CES5A: variants seen among roughly 807,000 people sequenced by gnomAD.
CES5A encodes the protein carboxylesterase 5.
A neutral mutation model predicts 62.9 loss-of-function variants in CES5A; 67 were observed. The observed-to-expected ratio is 1.07, with a 90% CI of 0.88 to 1.31. CES5A has a LOEUF of 1.31. Ranked by LOEUF, CES5A falls within the 50% of genes most tolerant of loss-of-function variation. CES5A has a pLI of 0.00. For synonymous variants in CES5A, 296 were observed against 280.8 expected (o/e 1.05, Z -0.54); for missense variants, 748 against 708.5 (o/e 1.06, Z -0.63).
chr16:55,891,340 T>A (rs1375519288), intron 1 of CES5A, among the ~76,000 whole-genome samples: 1 of 152,176 alleles, frequency 6.6e-6, no homozygotes, highest in East Asian at 1.9e-4. Flanking sequence ...TGAGAAGAAA[T>A]AAGAAAGAAA....
intron 1 of CES5A, among the ~76,000 whole-genome samples, chr16:55,898,712 G>A (rs1445634232): frequency 6.6e-6 from 1 of 152,212 alleles, no homozygotes; most frequent in Non-Finnish European, 1.5e-5. Context: ...GGGCCCAGGG[G>A]CCACTGCCTT....
intron 1 of CES5A, among the ~76,000 whole-genome samples, chr16:55,905,781 G>A (rs1348934708): frequency 6.6e-6 from 1 of 152,202 alleles, no homozygotes; most frequent in African/African-American, 2.4e-5. Flanking sequence ...TTGGGCCTTA[G>A]CATCAAGTTG....
chr16:55,953,941 T>C (rs2034582923), intron 1 of CES5A, among the ~76,000 whole-genome samples: 1 of 152,198 alleles, frequency 6.6e-6, no homozygotes, highest in Admixed American at 6.5e-5. Flanking sequence ...TAAATTACTG[T>C]TGACTATAGT....
At chr16:55,875,949 A>C (rs1276570461), upstream of CES5A, among the ~76,000 whole-genome samples, 3 of 151,630 alleles carry the variant, frequency 2.0e-5, no homozygotes, top group Non-Finnish European at 4.4e-5. Flanking sequence ...CAACACCACC[A>C]CCCCCATTTT....
At chr16:55,892,067 T>A (rs1486192716) in intron 1 of CES5A, among the ~76,000 whole-genome samples, 3 of 152,148 alleles carry the variant, frequency 2.0e-5, no homozygotes, top group Non-Finnish European at 4.4e-5. Flanking sequence ...AAGGCTTGAA[T>A]AGAAAACATT....
chr16:55,937,244 T>G (rs1393550915), intron 2 of CES5A, among the ~76,000 whole-genome samples: 1 of 152,208 alleles, frequency 6.6e-6, no homozygotes, highest in African/African-American at 2.4e-5. Flanking sequence ...CCCCTCCTGC[T>G]GAGACATAGC....
intron 1 of CES5A, among the ~76,000 whole-genome samples, chr16:55,891,373 C>A (rs1224363572): frequency 2.6e-5 from 4 of 152,208 alleles, no homozygotes; most frequent in African/African-American, 7.2e-5. Context: ...AGTGCTATTT[C>A]TTTTGCAGCA....
chr16:55,936,349 C>T (rs147177502), intron 2 of CES5A, among the ~76,000 whole-genome samples: 22 of 152,308 alleles, frequency 1.4e-4, no homozygotes, highest in East Asian at 1.4e-3. Flanking sequence ...TGTGTGTGTT[C>T]GTATGGAGCA....
chr16:55,864,404 A>G (rs1462165816), intron 5 of CES5A, among the ~76,000 whole-genome samples: 1 of 152,070 alleles, frequency 6.6e-6, no homozygotes, highest in Non-Finnish European at 1.5e-5. Flanking sequence ...ATTTTCTAAC[A>G]CCTCTGTACA....
At chr16:55,916,766 C>T (rs1260931093) in intron 1 of CES5A, among the ~76,000 whole-genome samples, 1 of 152,204 alleles carries the variant, frequency 6.6e-6, no homozygotes, top group Non-Finnish European at 1.5e-5. Flanking sequence ...TCTTTGGACA[C>T]ACCTCCTGCT....
chr16:55,872,434 A>C (rs142429938), intron 2 of CES5A, among the ~76,000 whole-genome samples: 34 of 152,226 alleles, frequency 2.2e-4, no homozygotes, highest in African/African-American at 8.2e-4. Context: ...CTTTTCCAGA[A>C]CTTGTCCTGA....
At chr16:55,849,865 A>AC (rs1483276565) in intron 10 of CES5A, 92 bp from the exon 11 acceptor site, 1 of 1,401,104 alleles carries the variant, frequency 7.1e-7, no homozygotes, top group Non-Finnish European at 9.7e-7. Flanking sequence ...GGATGTATAG[A>AC]CCCAGGGGTG....
intron 1 of CES5A, among the ~76,000 whole-genome samples, chr16:55,887,699 T>A (rs2142430054): frequency 6.6e-6 from 1 of 152,202 alleles, no homozygotes; most frequent in Middle Eastern, 3.4e-3. Flanking sequence ...CAGATCTAAG[T>A]GGAGCAAGGA....
chr16:55,913,201 G>C (rs1232044453), intron 1 of CES5A, among the ~76,000 whole-genome samples: 2 of 152,138 alleles, frequency 1.3e-5, no homozygotes, highest in Non-Finnish European at 2.9e-5. Flanking sequence ...AATCATAGGG[G>C]GGTCGAAGTG....
upstream of CES5A, among the ~76,000 whole-genome samples, chr16:55,879,159 C>T (rs1217173340): frequency 6.7e-6 from 1 of 149,886 alleles, no homozygotes; most frequent in African/African-American, 2.5e-5. Context: ...TACCCCATCA[C>T]TGCACCCCAC....
At chr16:55,872,749 C>A (rs1299967397) in intron 2 of CES5A, among the ~76,000 whole-genome samples, 1 of 152,142 alleles carries the variant, frequency 6.6e-6, no homozygotes, top group Non-Finnish European at 1.5e-5. Flanking sequence ...CCCATCAAAG[C>A]TAGTCCAGGT....
chr16:55,892,979 C>A (rs1289962950), intron 1 of CES5A, among the ~76,000 whole-genome samples: 1 of 152,100 alleles, frequency 6.6e-6, no homozygotes, highest in African/African-American at 2.4e-5. Flanking sequence ...ACCTAAACTT[C>A]TAAAGTCAAA....
intron 7 of CES5A, among the ~76,000 whole-genome samples, chr16:55,860,737 C>T (rs2033335886): frequency 6.6e-6 from 1 of 152,206 alleles, no homozygotes; most frequent in Admixed American, 6.5e-5. Context: ...GAGTTCGACA[C>T]ATCAGGTCCA....
At chr16:55,932,719 T>G (rs1240837058) in intron 2 of CES5A, among the ~76,000 whole-genome samples, 1 of 151,952 alleles carries the variant, frequency 6.6e-6, no homozygotes, top group Non-Finnish European at 1.5e-5. Flanking sequence ...AGAAAGAGCT[T>G]GTTGAGTCTG....
Sources: gnomAD v4.1 joint callset for allele counts (sites outside exome capture counted in the v4.1 genomes callset) on GRCh38, gnomAD v4.1.1 for gene constraint, MANE v1.5 for transcripts, NCBI Gene and HGNC (gene_info 2026-07-23, HGNC 2026-07-21) for gene names.